Variants in CDH13 observed in about 807,000 individuals in gnomAD.
CDH13 encodes the protein cadherin 13.
In CDH13, 24 loss-of-function variants were observed where a neutral mutation model predicts 63.8. The observed-to-expected ratio is 0.38, with a 90% CI of 0.27 to 0.53. CDH13 has a LOEUF of 0.53. Ranked by LOEUF, CDH13 falls within the 20% of genes least tolerant of loss-of-function variation. The pLI is 0.85. For missense variants in CDH13, 1,049 were observed against 903.1 expected (o/e 1.16, Z -2.07); for synonymous variants, 503 against 355.3 (o/e 1.42, Z -4.67).
chr16:83,521,491 A>G (rs1011432859), intron 7 of CDH13, among the ~76,000 whole-genome samples: 7 of 152,356 alleles, frequency 4.6e-5, no homozygotes, highest in African/African-American at 1.4e-4. Context: ...GGTGTCAACA[A>G]CAGCAATAAA....
chr16:83,577,167 G>A (rs1349909867), intron 7 of CDH13, among the ~76,000 whole-genome samples: 2 of 152,176 alleles, frequency 1.3e-5, no homozygotes, highest in African/African-American at 2.4e-5. Flanking sequence ...AGGTCACATG[G>A]TGCCGTCATA....
intron 4 of CDH13, among the ~76,000 whole-genome samples, chr16:83,189,945 A>T (rs2038645084): frequency 6.6e-6 from 1 of 152,132 alleles, no homozygotes; most frequent in African/African-American, 2.4e-5. Context: ...CCCCTGCACA[A>T]GCTCTCTTGC....
intron 2 of CDH13, among the ~76,000 whole-genome samples, chr16:82,915,235 T>A (rs1345358746): frequency 6.6e-6 from 1 of 152,196 alleles, no homozygotes; most frequent in Non-Finnish European, 1.5e-5. Context: ...ATCAAGGCGG[T>A]CTTAGGATAT....
intron 2 of CDH13, among the ~76,000 whole-genome samples, chr16:82,956,609 A>T (rs1325387970): frequency 6.6e-6 from 1 of 152,156 alleles, no homozygotes; most frequent in Admixed American, 6.5e-5. Flanking sequence ...TCTTTAATAC[A>T]GCAGCGCCTG....
intron 5 of CDH13, among the ~76,000 whole-genome samples, chr16:83,339,713 C>A (rs2090679920): frequency 6.6e-6 from 1 of 152,150 alleles, no homozygotes; most frequent in South Asian, 2.1e-4. Flanking sequence ...ATGTCCCCCA[C>A]CTCCAGCAAT....
intron 3 of CDH13, among the ~76,000 whole-genome samples, chr16:83,037,098 A>G (rs1172748748): frequency 6.6e-6 from 1 of 152,206 alleles, no homozygotes; most frequent in African/African-American, 2.4e-5. Flanking sequence ...TTCATCCAGG[A>G]GCCTTGACTG....
intron 4 of CDH13, among the ~76,000 whole-genome samples, chr16:83,203,208 G>A (rs1318515070): frequency 4.0e-5 from 6 of 151,814 alleles, no homozygotes; most frequent in Admixed American, 3.3e-4. Flanking sequence ...TGGGCAACAA[G>A]AGCAAAACCC....
At chr16:82,894,082 C>T (rs1011920881) in intron 2 of CDH13, among the ~76,000 whole-genome samples, 1 of 152,178 alleles carries the variant, frequency 6.6e-6, no homozygotes, top group African/African-American at 2.4e-5. Context: ...TAGGAAGTAG[C>T]TCAATCCGTT....
chr16:83,238,784 T>C (rs1055042975), intron 5 of CDH13, among the ~76,000 whole-genome samples: 19 of 152,222 alleles, frequency 1.2e-4, no homozygotes, highest in African/African-American at 4.6e-4. Context: ...TGAACACTTC[T>C]TGTTGAATGC....
At chr16:82,697,765 G>GTGTA (rs1555535669) in intron 1 of CDH13, among the ~76,000 whole-genome samples, 4 of 151,246 alleles carry the variant, frequency 2.6e-5, no homozygotes, top group African/African-American at 9.7e-5. Context: ...GTGTGTGTGT[G>GTGTA]TGTGTGTGTG....
rs570428834 is a variant in CDH13, at chr16:83,077,918, C to T, written c.366+45700C>T. Among the ~76,000 whole-genome samples the T allele has an allele frequency of 3.9e-5, 6 of 152,276 alleles. No individual in the cohort carries two copies. The East Asian group carries it at 5.8e-4, about 15-fold the overall frequency. On this transcript the variant is annotated intron_variant, in intron 3 of 13. Transcript: ENST00000567109. ...TTCTGGTGAGTGTGTAGTGGCATCCCATTGTGGATTTAATTTGCGTTACCC... is the reference window on the plus strand; with the variant it reads ...TTCTGGTGAGTGTGTAGTGGCATCCTATTGTGGATTTAATTTGCGTTACCC...
At chr16:83,377,938 A>C (rs948589372) in intron 6 of CDH13, among the ~76,000 whole-genome samples, 30 of 152,180 alleles carry the variant, frequency 2.0e-4, no homozygotes, top group African/African-American at 7.2e-4. Context: ...AAAGAAGCAG[A>C]CCATTGAGGT....
chr16:83,284,440 C>T lies in CDH13; in HGVS notation c.637-60422C>T, dbSNP rs74031966. Among the ~76,000 whole-genome samples, 1,458 of 152,260 alleles carry T rather than the reference C, an allele frequency of 9.6e-3. 22 individuals carry two copies. Among genetic ancestry groups the T allele is most frequent in the African/African-American group, 0.034 (1,399 of 41,536 alleles). Reference sequence around the variant, plus strand: ...GACCACTCATTAAAATATATTTACTCTAGTGCCAGCTACTTAGTGAACTCT... The same window carrying T: ...GACCACTCATTAAAATATATTTACTTTAGTGCCAGCTACTTAGTGAACTCT... On this transcript the variant is annotated intron_variant, in intron 5 of 13. Coordinates refer to ENST00000567109, the MANE Select transcript of CDH13 (RefSeq NM_001257.5).
intron 1 of CDH13, among the ~76,000 whole-genome samples, chr16:82,809,615 T>G (rs1212894180): frequency 6.6e-6 from 1 of 152,178 alleles, no homozygotes; most frequent in East Asian, 1.9e-4. Context: ...TTACCCTTGA[T>G]TTATGTACGT....
At chr16:82,840,495 C>G (rs529761433) in intron 1 of CDH13, among the ~76,000 whole-genome samples, 2 of 151,528 alleles carry the variant, frequency 1.3e-5, no homozygotes, top group African/African-American at 4.9e-5. Flanking sequence ...CCAGCCTGAC[C>G]AACATGGTGA....
intron 2 of CDH13, among the ~76,000 whole-genome samples, chr16:82,908,613 C>T (rs1943139241): frequency 6.6e-6 from 1 of 152,170 alleles, no homozygotes; most frequent in African/African-American, 2.4e-5. Flanking sequence ...CAAACATATT[C>T]TTCCCTTAGA....
At chr16:83,372,778 A>G (rs551796551) in intron 6 of CDH13, among the ~76,000 whole-genome samples, 14 of 150,774 alleles carry the variant, frequency 9.3e-5, no homozygotes, top group African/African-American at 3.4e-4. Context: ...AAAAAAGACA[A>G]TGACAGAGAG....
intron 5 of CDH13, among the ~76,000 whole-genome samples, chr16:83,233,580 C>A (rs1960005837): frequency 6.6e-6 from 1 of 152,150 alleles, no homozygotes; most frequent in South Asian, 2.1e-4. Flanking sequence ...ATTCTCCGAC[C>A]TTTTCCAACT....
intron 2 of CDH13, among the ~76,000 whole-genome samples, chr16:82,898,972 T>C (rs1257888584): frequency 6.6e-6 from 1 of 152,228 alleles, no homozygotes; most frequent in Non-Finnish European, 1.5e-5. Flanking sequence ...ATGAGGCAGC[T>C]CTCTGCAGCT....
Sources: allele counts gnomAD v4.1 joint callset (sites outside exome capture counted in the v4.1 genomes callset), GRCh38; gene constraint gnomAD v4.1.1; transcripts MANE v1.5; gene names NCBI Gene and HGNC (gene_info 2026-07-23, HGNC 2026-07-21).